The following XKR3 variants were observed in gnomAD, a reference collection of about 807,000 sequenced individuals.
The protein encoded by XKR3 is XK-related protein 3.
In XKR3, 27 loss-of-function variants were observed where a neutral mutation model predicts 40.3. That is an observed-to-expected ratio of 0.67 (90% CI 0.49 to 0.92). XKR3 has a LOEUF of 0.92. Ranked by LOEUF, XKR3 falls within the 40% of genes least tolerant of loss-of-function variation. The pLI is 0.00. For synonymous variants in XKR3, 193 were observed against 195.4 expected (o/e 0.99, Z 0.10); for missense variants, 472 against 537.6 (o/e 0.88, Z 1.21).
intron 3 of XKR3, among the ~76,000 whole-genome samples, chr22:16,787,063 G>T (rs1199034040): frequency 6.6e-6 from 1 of 150,902 alleles, no homozygotes; most frequent in Admixed American, 6.6e-5. Context: ...ATAATGGGAG[G>T]AAAAAACTAA....
At chr22:16,803,073 T>C (rs1161489105) in intron 2 of XKR3, among the ~76,000 whole-genome samples, 2 of 90,274 alleles carry the variant, frequency 2.2e-5, no homozygotes, top group African/African-American at 3.1e-5. Flanking sequence ...GTGTCCTCAA[T>C]TGACATATAT....
intron 1 of XKR3, among the ~76,000 whole-genome samples, chr22:16,819,164 C>T (rs1387017727): frequency 6.6e-6 from 1 of 151,996 alleles, no homozygotes; most frequent in African/African-American, 2.4e-5. Flanking sequence ...AAGAAGGATA[C>T]ATTGTGTTAA....
At chr22:16,822,304 G>C (rs1212644552) in intron 1 of XKR3, among the ~76,000 whole-genome samples, 1 of 151,942 alleles carries the variant, frequency 6.6e-6, no homozygotes, top group East Asian at 1.9e-4. Context: ...TGGTAAATTT[G>C]AGATGTACAC....
intron 1 of XKR3, among the ~76,000 whole-genome samples, chr22:16,816,925 G>T (rs1177125940): frequency 6.6e-6 from 1 of 151,862 alleles, no homozygotes; most frequent in Non-Finnish European, 1.5e-5. Context: ...TCTCAATATT[G>T]CAAGGAAGAG....
In XKR3 at chr22:16,799,791, C is replaced by T. The variant is rs1422138117; in HGVS notation, c.569G>A (p.Arg190Gln). The T allele has an allele frequency of 4.3e-6, 7 of 1,613,892 alleles. No individual in the cohort carries two copies. In the South Asian group the frequency reaches 5.5e-5, roughly 13 times the overall value. Residue 190 changes from arginine to glutamine, a missense_variant, in exon 3 of 4, where the codon CGA becomes CAA. By Grantham distance (43) the Arg-to-Gln change is conservative. Coordinates refer to ENST00000684488, the MANE Select transcript of XKR3 (RefSeq NM_001386955.1). ...CTTACCTCTATTCAAAGGCCATTCT[C>T]GTATAGTGAGACTGATATACATCTG... Reference protein sequence around the residue: ...ILQMYISLTIREWPLNRALLM... With the variant: ...ILQMYISLTIQEWPLNRALLM...
At position 16,783,521 on chromosome 22, in the gene XKR3, C is replaced by G; in HGVS notation, c.*98G>C. 7 of 993,488 alleles carry G rather than the reference C, an allele frequency of 7.0e-6. No individual in the cohort carries two copies. Among genetic ancestry groups the G allele is most frequent in the Non-Finnish European group, 9.7e-6 (7 of 721,376 alleles). 61.5% of individuals were successfully genotyped at this position (993,488 alleles called of 1,614,324 possible). Reference sequence around the variant, plus strand: ...AATGAATTTTATTAGAAACCACTTCCAAGATTTTGCTGTGTATATTTTTTA... The same window carrying G: ...AATGAATTTTATTAGAAACCACTTCGAAGATTTTGCTGTGTATATTTTTTA... On this transcript the variant is annotated 3_prime_UTR_variant, in exon 4 of 4. Transcript: ENST00000684488.
intron 3 of XKR3, among the ~76,000 whole-genome samples, chr22:16,790,534 C>T (rs1377839567): frequency 1.3e-5 from 2 of 152,036 alleles, no homozygotes; most frequent in Non-Finnish European, 2.9e-5. Flanking sequence ...GGAAACAACA[C>T]GCACTGTGGC....
intron 3 of XKR3, among the ~76,000 whole-genome samples, chr22:16,797,591 G>C (rs1021652878): frequency 6.6e-6 from 1 of 151,532 alleles, no homozygotes; most frequent in African/African-American, 2.4e-5. Context: ...AGGAGATCAA[G>C]ACCATCCTGG....
chr22:16,817,273 T>A (rs1219632240), intron 1 of XKR3, among the ~76,000 whole-genome samples: 1 of 152,068 alleles, frequency 6.6e-6, no homozygotes, highest in Admixed American at 6.6e-5. Context: ...TTATGAAGAA[T>A]CTTTAAATTC....
Position 16,784,254 on chromosome 22 carries a change from G to C in XKR3, c.745C>G (p.Arg249Gly). The change falls in exon 4 of 4, where the codon CGT becomes GGT. Residue 249 changes from arginine (R) to glycine (G), a missense_variant. Transcript: ENST00000684488. ...ATGAAAAATGCCAGAGTCACTACAC[G>C]TGAGATAACCTCCAAAAAACGCCAC... Reference protein sequence around the residue: ...VMWRFLEVISRVVTLAFFIAS... With the variant: ...VMWRFLEVISGVVTLAFFIAS... The C allele has an allele frequency of 6.2e-7, 1 of 1,614,098 alleles. No individual in the cohort carries two copies. Among genetic ancestry groups the C allele is most frequent in the Non-Finnish European group, 8.5e-7 (1 of 1,180,022 alleles).
At chr22:16,819,697 G>A (rs1465733071) in intron 1 of XKR3, among the ~76,000 whole-genome samples, 1 of 152,046 alleles carries the variant, frequency 6.6e-6, no homozygotes, top group Non-Finnish European at 1.5e-5. Flanking sequence ...AACCCTCTTA[G>A]GCGTGGCAAA....
At chr22:16,785,882 A>G (rs1260247783) in intron 3 of XKR3, among the ~76,000 whole-genome samples, 1 of 152,100 alleles carries the variant, frequency 6.6e-6, no homozygotes, top group Non-Finnish European at 1.5e-5. Context: ...CTAACAAAAA[A>G]CACTCTTCAT....
intron 3 of XKR3, among the ~76,000 whole-genome samples, chr22:16,788,014 C>T (rs1464199668): frequency 6.6e-6 from 1 of 152,068 alleles, no homozygotes; most frequent in Non-Finnish European, 1.5e-5. Context: ...AACTATCCAT[C>T]CAAGAGTTAT....
intron 1 of XKR3, among the ~76,000 whole-genome samples, chr22:16,811,917 G>A (rs2060214496): frequency 1.3e-5 from 2 of 152,126 alleles, no homozygotes; most frequent in South Asian, 2.1e-4. Context: ...GCTGAGGCAG[G>A]AGAATGGTGT....
At chr22:16,806,514 C>T (rs1310653486) in intron 2 of XKR3, among the ~76,000 whole-genome samples, 3 of 131,824 alleles carry the variant, frequency 2.3e-5, no homozygotes, top group Non-Finnish European at 3.1e-5. Context: ...GTTGCCTAGG[C>T]GCAACTTCTG....
At chr22:16,810,544 T>C (rs2060208271) in intron 1 of XKR3, among the ~76,000 whole-genome samples, 1 of 152,192 alleles carries the variant, frequency 6.6e-6, no homozygotes, top group South Asian at 2.1e-4. Flanking sequence ...CCTACCTTCC[T>C]CGATTACCTC....
intron 3 of XKR3, among the ~76,000 whole-genome samples, chr22:16,799,480 G>A (rs557998750): frequency 6.5e-5 from 9 of 138,612 alleles, no homozygotes; most frequent in African/African-American, 2.5e-4. Context: ...ATATGTTTTA[G>A]ATAAAAACTT....
chr22:16,808,711 T>G (rs1374183743), intron 1 of XKR3, among the ~76,000 whole-genome samples: 1 of 152,118 alleles, frequency 6.6e-6, no homozygotes, highest in East Asian at 1.9e-4. Context: ...CTCTCTTTTG[T>G]TGGGGGGAAA....
At chr22:16,801,214 T>G (rs1015103907) in intron 2 of XKR3, among the ~76,000 whole-genome samples, 3 of 150,582 alleles carry the variant, frequency 2.0e-5, no homozygotes, top group African/African-American at 7.3e-5. Context: ...GGAAGTCTTA[T>G]ATATCCTAGG....
Sources: allele counts gnomAD v4.1 joint callset (sites outside exome capture counted in the v4.1 genomes callset), GRCh38; gene constraint gnomAD v4.1.1; transcripts MANE v1.5; gene names NCBI Gene and HGNC (gene_info 2026-07-23, HGNC 2026-07-21).